The following HECW1 variants were observed in gnomAD, a reference collection of about 807,000 sequenced individuals.
HECW1 encodes the protein E3 ubiquitin-protein ligase HECW1.
Under a neutral mutation model 182.3 loss-of-function variants are expected in HECW1, and 61 were observed. That is an observed-to-expected ratio of 0.33 (90% confidence interval 0.27 to 0.41). The LOEUF (loss-of-function observed/expected upper bound fraction) is 0.41, where lower values mean the gene tolerates loss of function less well. Among genes scored for constraint, HECW1 ranks in the 10% least tolerant of loss-of-function variants. The pLI is 1.00. For synonymous variants in HECW1, 859 were observed against 832.6 expected (o/e 1.03, Z -0.55); for missense variants, 1,739 against 2,108.9 (o/e 0.82, Z 3.44).
At chr7:43,500,657 G>A in intron 19 of HECW1, 42 bp from the exon 20 acceptor site, 2 of 1,373,576 alleles carry the variant, frequency 1.5e-6, no homozygotes, top group Non-Finnish European at 2.1e-6. Flanking sequence ...CTGAGTTTAT[G>A]TGTTGGCATC....
At chr7:43,409,993 G>A (rs2075744391) in intron 8 of HECW1, among the ~76,000 whole-genome samples, 1 of 152,198 alleles carries the variant, frequency 6.6e-6, no homozygotes, top group Admixed American at 6.5e-5. Flanking sequence ...TCCAGAGGGA[G>A]GTGATCCAGG....
chr7:43,124,534 A>G (rs1785998524), intron 2 of HECW1, among the ~76,000 whole-genome samples: 1 of 152,182 alleles, frequency 6.6e-6, no homozygotes, highest in South Asian at 2.1e-4. Flanking sequence ...ATCTCCCAGG[A>G]CCACAGAACT....
chr7:43,146,076 A>T (rs1370601805), intron 2 of HECW1, among the ~76,000 whole-genome samples: 2 of 152,182 alleles, frequency 1.3e-5, no homozygotes, highest in East Asian at 3.8e-4. Flanking sequence ...AGGAAACTCA[A>T]AGCCAAATCT....
chr7:43,288,240 G>A (rs902298214), intron 3 of HECW1, among the ~76,000 whole-genome samples: 1 of 152,184 alleles, frequency 6.6e-6, no homozygotes, highest in Non-Finnish European at 1.5e-5. Context: ...ATGCTGCAGT[G>A]AAGGCTGTAG....
intron 2 of HECW1, among the ~76,000 whole-genome samples, chr7:43,168,485 C>T (rs1395551478): frequency 1.3e-5 from 2 of 152,026 alleles, no homozygotes; most frequent in African/African-American, 4.8e-5. Flanking sequence ...TACTGAGACC[C>T]TATCTTCTCA....
chr7:43,228,474 T>C (rs975873163), intron 2 of HECW1, among the ~76,000 whole-genome samples: 3 of 152,050 alleles, frequency 2.0e-5, no homozygotes, highest in Admixed American at 1.3e-4. Flanking sequence ...TAAGAGAAGG[T>C]TGAAAATGTA....
intron 4 of HECW1, among the ~76,000 whole-genome samples, chr7:43,316,569 G>A (rs2152776628): frequency 1.3e-5 from 2 of 152,152 alleles, no homozygotes; most frequent in Non-Finnish European, 2.9e-5. Flanking sequence ...AACTGCCTAA[G>A]ATCACATAAT....
At chr7:43,314,073 C>T (rs1562822622) in intron 4 of HECW1, among the ~76,000 whole-genome samples, 1 of 152,172 alleles carries the variant, frequency 6.6e-6, no homozygotes, top group Non-Finnish European at 1.5e-5. Flanking sequence ...CTCAGCCTCC[C>T]AAAATGCTGA....
rs2082278118 is a variant in HECW1 at position 43,564,182 on chromosome 7, A to G, written c.*2256A>G. ...ATCATTGAACCATAACCTTATTCTAACTCTTGCAACAACATCTCTAATATA... is the reference window on the plus strand; with the variant it reads ...ATCATTGAACCATAACCTTATTCTAGCTCTTGCAACAACATCTCTAATATA... On this transcript the variant is annotated 3_prime_UTR_variant, in exon 30 of 30. Coordinates refer to ENST00000395891, the MANE Select transcript of HECW1 (RefSeq NM_015052.5). 5.2e-6 allele frequency: 1 copy of G among 190,736 alleles called. No individual in the cohort carries two copies. The highest frequency in any genetic ancestry group is 6.2e-5 in the Admixed American group (1 of 16,234). The allele number at this position is 190,736 out of a possible 1,614,324, so 11.8% of individuals were successfully genotyped here. A position where few individuals can be genotyped will look rare whatever the true frequency, so the allele number is the denominator to read the frequency against.
At chr7:43,494,506 ATT>A (rs5883869) in intron 19 of HECW1, among the ~76,000 whole-genome samples, 4 of 145,354 alleles carry the variant, frequency 2.8e-5, no homozygotes, top group African/African-American at 1.0e-4. Context: ...TAAAGTCAAG[ATT>A]TTTTTTTTTT....
chr7:43,130,268 GA>G (rs1786765344), intron 2 of HECW1, among the ~76,000 whole-genome samples: 1 of 152,072 alleles, frequency 6.6e-6, no homozygotes, highest in South Asian at 2.1e-4. Context: ...TTCAAATTTT[GA>G]AATAGTTGCA....
chr7:43,514,662 A>C (rs2080055414), intron 24 of HECW1, among the ~76,000 whole-genome samples: 1 of 152,164 alleles, frequency 6.6e-6, no homozygotes, highest in African/African-American at 2.4e-5. Context: ...CTCATATGCT[A>C]CTTTTTTATC....
intron 3 of HECW1, among the ~76,000 whole-genome samples, chr7:43,244,471 TCATGGTTTTACTTTTGGTGA>T (rs1799182270): frequency 6.6e-6 from 1 of 152,182 alleles, no homozygotes; most frequent in Admixed American, 6.5e-5. Context: ...TTCCTCTGTG[TCATGGTTTTACTTTTGGTGA>T]CAGCCCAGGT....
At chr7:43,525,964 G>C (rs1279604551) in intron 24 of HECW1, among the ~76,000 whole-genome samples, 1 of 152,246 alleles carries the variant, frequency 6.6e-6, no homozygotes, top group East Asian at 1.9e-4. Flanking sequence ...ATTTTAAAGA[G>C]TATCAATAAA....
intron 6 of HECW1, among the ~76,000 whole-genome samples, chr7:43,363,037 T>A (rs190464691): frequency 3.9e-5 from 6 of 152,314 alleles, no homozygotes; most frequent in Admixed American, 3.3e-4. Context: ...TAAATAAAGC[T>A]CCCTAGAGCA....
chr7:43,333,453 A>G (rs187656170), intron 5 of HECW1, among the ~76,000 whole-genome samples: 3 of 152,342 alleles, frequency 2.0e-5, no homozygotes, highest in Admixed American at 2.0e-4. Context: ...CCATTTGTAT[A>G]TGCATTTATA....
intron 12 of HECW1, among the ~76,000 whole-genome samples, chr7:43,451,440 G>A (rs1352279718): frequency 6.6e-5 from 10 of 152,034 alleles, no homozygotes; most frequent in Non-Finnish European, 1.3e-4. Flanking sequence ...CAGTTCTTAG[G>A]GGTTGCCAGG....
intron 6 of HECW1, among the ~76,000 whole-genome samples, chr7:43,391,071 A>T (rs1316209323): frequency 6.6e-6 from 1 of 152,208 alleles, no homozygotes; most frequent in Non-Finnish European, 1.5e-5. Context: ...AGGAGACAAG[A>T]TAAGGGTAAT....
intron 3 of HECW1, among the ~76,000 whole-genome samples, chr7:43,291,780 T>G (rs777748965): frequency 9.2e-5 from 14 of 152,216 alleles, no homozygotes; most frequent in Non-Finnish European, 1.6e-4. Flanking sequence ...AATGTATATC[T>G]CATCTGTTCA....
Sources: allele counts gnomAD v4.1 joint callset (sites outside exome capture counted in the v4.1 genomes callset), GRCh38; gene constraint gnomAD v4.1.1; transcripts MANE v1.5; gene names NCBI Gene and HGNC (gene_info 2026-07-23, HGNC 2026-07-21).